Variants in NUGGC observed in about 807,000 individuals in gnomAD.
NUGGC encodes nuclear GTPase, germinal center associated.
In NUGGC, 58 loss-of-function variants were observed where a neutral mutation model predicts 92.6. The observed-to-expected ratio is 0.63, with a 90% CI of 0.51 to 0.78. The LOEUF (loss-of-function observed/expected upper bound fraction) is 0.78. Ranked by LOEUF, NUGGC falls within the 30% of genes least tolerant of loss-of-function variation. The pLI, the probability that NUGGC is intolerant of heterozygous loss-of-function variation, is 0.00. For synonymous variants in NUGGC, 376 were observed against 366.4 expected (o/e 1.03, Z -0.30); for missense variants, 925 against 964.6 (o/e 0.96, Z 0.54).
intron 11 of NUGGC, 38 bp from the exon 12 acceptor site, chr8:28,045,698 C>CA: frequency 6.3e-7 from 1 of 1,598,008 alleles, no homozygotes; most frequent in Middle Eastern, 2.1e-4. Flanking sequence ...TGTTAAAGGC[C>CA]AGAAGTTTGT....
At chr8:28,027,122 C>A (rs574688749) in intron 17 of NUGGC, 70 bp from the exon 18 acceptor site, 2 of 1,228,546 alleles carry the variant, frequency 1.6e-6, no homozygotes, top group East Asian at 2.3e-5. Context: ...ATAAAAGGGA[C>A]CCCACCCAGT....
intron 10 of NUGGC, among the ~76,000 whole-genome samples, chr8:28,048,134 C>T (rs1382580770): frequency 1.3e-5 from 2 of 152,174 alleles, no homozygotes; most frequent in African/African-American, 4.8e-5. Context: ...ATTGTGATCC[C>T]TAATCTTCAA....
chr8:28,040,889 C>T (rs989457344), intron 13 of NUGGC, among the ~76,000 whole-genome samples, 162 bp downstream of exon 13: 4 of 152,200 alleles, frequency 2.6e-5, no homozygotes, highest in Non-Finnish European at 5.9e-5. Context: ...TTGTGATCCG[C>T]CCACCTCGGC....
chr8:28,078,104 A>G (rs776630980), intron 1 of NUGGC, among the ~76,000 whole-genome samples: 6 of 152,212 alleles, frequency 3.9e-5, no homozygotes, highest in South Asian at 2.1e-4. Context: ...GCTGCATGCA[A>G]TGAAGACAGA....
In NUGGC at chr8:28,065,546, A is replaced by G. The variant is rs1810420844; in HGVS notation, c.712-815T>C. On this transcript the variant is annotated intron_variant, in intron 6 of 18. Coordinates refer to ENST00000413272, the MANE Select transcript of NUGGC (RefSeq NM_001010906.2). ...ATGTAGGCATTTCTAGAATATTTTAATGATGGTGGGTGAGAGAGGGAATAG... is the reference window on the plus strand; with the variant it reads ...ATGTAGGCATTTCTAGAATATTTTAGTGATGGTGGGTGAGAGAGGGAATAG... Among the ~76,000 whole-genome samples, 3 of 152,202 alleles carry G rather than the reference A, an allele frequency of 2.0e-5. No individual in the cohort carries two copies. In the South Asian group the frequency reaches 6.2e-4, roughly 31 times the overall value.
rs535677411 is a variant in NUGGC at position 28,023,373 on chromosome 8, C to T, written c.2335G>A (p.Glu779Lys). The T allele has an allele frequency of 5.0e-6, 8 of 1,613,964 alleles. No individual in the cohort carries two copies. In the African/African-American group the frequency reaches 6.7e-5, roughly 13 times the overall value. Residue 779 changes from glutamate to lysine, a missense_variant, in exon 19 of 19, where the codon GAA (glutamate) becomes AAA (lysine). Glu to Lys is a moderately conservative substitution (Grantham distance 56). Transcript: ENST00000413272. ...ENARLRKGMQ[E>K]FLLRASPSKA... ...CTGGGGGATGCCCTTAGGAGGAATTCTTGCATGCCCTTCCTCAGCCGTGCA... is the reference window on the plus strand; with the variant it reads ...CTGGGGGATGCCCTTAGGAGGAATTTTTGCATGCCCTTCCTCAGCCGTGCA...
intron 1 of NUGGC, among the ~76,000 whole-genome samples, chr8:28,081,222 G>A (rs953155132): frequency 1.3e-5 from 2 of 152,110 alleles, no homozygotes; most frequent in African/African-American, 4.8e-5. Flanking sequence ...GGGAGACTGA[G>A]GCAGGAGAGT....
intron 13 of NUGGC, 91 bp downstream of exon 13, chr8:28,040,960 T>A: frequency 7.6e-7 from 1 of 1,309,642 alleles, no homozygotes; most frequent in Non-Finnish European, 1.1e-6. Context: ...ACTCTTTACC[T>A]CTTTTGAAGG....
Position 28,048,733 on chromosome 8 carries a change from C to T in NUGGC, c.1207-1121G>A, listed in dbSNP as rs1340421587. Reference sequence around the variant, plus strand: ...CAAAAATTAGCCAGGCATGGTGGTGCGCACTTGTAGTCGCAGCTACTCGGG... The same window carrying T: ...CAAAAATTAGCCAGGCATGGTGGTGTGCACTTGTAGTCGCAGCTACTCGGG... On this transcript the variant is annotated intron_variant, in intron 10 of 18. Coordinates refer to ENST00000413272, the MANE Select transcript of NUGGC (RefSeq NM_001010906.2). Among the ~76,000 whole-genome samples the T allele has an allele frequency of 5.9e-5, 9 of 151,668 alleles. No individual in the cohort carries two copies. The East Asian group carries it at 7.8e-4, about 13-fold the overall frequency.
intron 1 of NUGGC, among the ~76,000 whole-genome samples, chr8:28,079,799 G>T (rs1391178606): frequency 3.3e-5 from 5 of 152,320 alleles, no homozygotes; most frequent in Middle Eastern, 6.8e-3. Context: ...GCATGGCAAA[G>T]GCATTTCATG....
At chr8:28,035,493 G>C (rs892923598) in intron 13 of NUGGC, among the ~76,000 whole-genome samples, 3 of 152,126 alleles carry the variant, frequency 2.0e-5, no homozygotes, top group Admixed American at 6.5e-5. Context: ...CGCTGGTGCT[G>C]GCTCCTGGCC....
At chr8:28,031,462 C>T in intron 14 of NUGGC, 81 bp from the exon 15 acceptor site, 2 of 1,332,814 alleles carry the variant, frequency 1.5e-6, no homozygotes, top group Non-Finnish European at 1.1e-6. Context: ...AGCTGGTGTC[C>T]TTTTATTCAT....
intron 14 of NUGGC, among the ~76,000 whole-genome samples, chr8:28,032,100 G>A (rs1307782415): frequency 6.6e-6 from 1 of 152,240 alleles, no homozygotes; most frequent in African/African-American, 2.4e-5. Context: ...GCACAAGGCT[G>A]CAACCAGGCA....
chr8:28,034,382 G>A (rs188095095), intron 13 of NUGGC, among the ~76,000 whole-genome samples: 2 of 152,306 alleles, frequency 1.3e-5, no homozygotes, highest in Admixed American at 6.5e-5. Flanking sequence ...AATTTCAGTA[G>A]AGAGCTCTGT....
intron 10 of NUGGC, among the ~76,000 whole-genome samples, chr8:28,049,856 C>A (rs1429658743): frequency 6.6e-6 from 1 of 152,174 alleles, no homozygotes; most frequent in Non-Finnish European, 1.5e-5. Context: ...GAAGCCGAGG[C>A]AGGTGGATTG....
Position 28,060,725 on chromosome 8 carries a change from C to G in NUGGC, c.922-124G>C. On this transcript the variant is annotated intron_variant, in intron 7 of 18. Coordinates refer to ENST00000413272, the MANE Select transcript of NUGGC (RefSeq NM_001010906.2). Reference sequence around the variant, plus strand: ...CCACCCCTCACCGCTCCCCACCGCACTCTGTGCACTAGCTGGACTGAGCTA... The same window carrying G: ...CCACCCCTCACCGCTCCCCACCGCAGTCTGTGCACTAGCTGGACTGAGCTA... The G allele has an allele frequency of 5.5e-6, 4 of 729,734 alleles. No individual in the cohort carries two copies. The South Asian group carries it at 5.8e-5, about 11-fold the overall frequency. The allele number at this position is 729,734 out of a possible 1,614,324, so 45.2% of individuals were successfully genotyped here.
At chr8:28,082,217 T>C (rs150858486) in intron 1 of NUGGC, among the ~76,000 whole-genome samples, 1 of 152,202 alleles carries the variant, frequency 6.6e-6, no homozygotes, top group African/African-American at 2.4e-5. Context: ...ACACATCGGC[T>C]AATGTGTTCA....
chr8:28,026,237 C>T (rs1809255963), intron 18 of NUGGC, among the ~76,000 whole-genome samples: 1 of 152,146 alleles, frequency 6.6e-6, no homozygotes, highest in Non-Finnish European at 1.5e-5. Flanking sequence ...CCCTGAATAA[C>T]CTTGTCTATA....
chr8:28,064,716 T>C lies in NUGGC; in HGVS notation c.727A>G (p.Ile243Val), dbSNP rs1340436137. ...GTGCGGATGTAGGGGTCCAGCTTGATGGACAGCTCTTCTGCCTGAAGAAGG... is the reference window on the plus strand; with the variant it reads ...GTGCGGATGTAGGGGTCCAGCTTGACGGACAGCTCTTCTGCCTGAAGAAGG... ...LKAEEAEELS[I>V]KLDPYIRTQR... is the part of the protein sequence containing the mutation. Residue 243 changes from isoleucine to valine, a missense_variant, in exon 7 of 19, where the codon ATC (isoleucine) becomes GTC (valine). Ile to Val is a conservative substitution (Grantham distance 29). Transcript: ENST00000413272. The C allele has an allele frequency of 1.9e-6, 3 of 1,613,856 alleles. No individual in the cohort carries two copies. Among genetic ancestry groups the C allele is most frequent in the African/African-American group, 1.3e-5 (1 of 74,930 alleles).
Sources: gnomAD v4.1 joint callset for allele counts (sites outside exome capture counted in the v4.1 genomes callset) on GRCh38, gnomAD v4.1.1 for gene constraint, MANE v1.5 for transcripts, NCBI Gene and HGNC (gene_info 2026-07-23, HGNC 2026-07-21) for gene names.